The following TMEM233 variants were observed in gnomAD, a reference collection of about 807,000 sequenced individuals.
TMEM233 encodes transmembrane protein 233.
TMEM233 carries 6 observed loss-of-function variants against 11.2 expected under a neutral mutation model. That is an observed-to-expected ratio of 0.54 (90% CI 0.29 to 1.06). TMEM233 has a LOEUF of 1.06. Ranked by LOEUF, TMEM233 falls within the 50% of genes least tolerant of loss-of-function variation. The pLI is 0.08. For missense variants in TMEM233, 127 were observed against 144.7 expected (o/e 0.88, Z 0.63); for synonymous variants, 59 against 55.8 (o/e 1.06, Z -0.26).
intron 1 of TMEM233, among the ~76,000 whole-genome samples, chr12:119,614,410 A>G (rs961728072): frequency 8.9e-6 from 1 of 112,532 alleles, no homozygotes; most frequent in Non-Finnish European, 1.8e-5. Flanking sequence ...CTCCATCTCA[A>G]CGAGAGAGAG....
chr12:119,626,107 T>C (rs1295650627), intron 1 of TMEM233, among the ~76,000 whole-genome samples: 1 of 152,186 alleles, frequency 6.6e-6, no homozygotes, highest in African/African-American at 2.4e-5. Context: ...GCCATTTGTC[T>C]TGCAGAAAGT....
chr12:119,634,004 G>A (rs1195372919), intron 2 of TMEM233, among the ~76,000 whole-genome samples: 3 of 152,200 alleles, frequency 2.0e-5, no homozygotes, highest in Non-Finnish European at 2.9e-5. Context: ...TGCAGGTGGC[G>A]GGCAGAAGGG....
At chr12:119,621,862 A>G (rs1181222692) in intron 1 of TMEM233, among the ~76,000 whole-genome samples, 1 of 152,252 alleles carries the variant, frequency 6.6e-6, no homozygotes, top group African/African-American at 2.4e-5. Context: ...AGCTAGCCAA[A>G]GCAAAACACA....
At chr12:119,634,247 G>A in intron 2 of TMEM233, 1 of 985,328 alleles carries the variant, frequency 1.0e-6, no homozygotes, top group Non-Finnish European at 1.2e-6. Context: ...TCTGACATTA[G>A]AGGAGTCGAA....
intron 1 of TMEM233, among the ~76,000 whole-genome samples, chr12:119,607,174 T>C (rs749373731): frequency 1.3e-4 from 20 of 152,216 alleles, no homozygotes; most frequent in Admixed American, 2.0e-4. Context: ...AGTTACAGTA[T>C]AAAGAGTTAT....
intron 1 of TMEM233, among the ~76,000 whole-genome samples, chr12:119,615,185 A>AAAACAAAAC (rs1954499160): frequency 7.0e-6 from 1 of 142,074 alleles, no homozygotes; most frequent in African/African-American, 2.9e-5. Context: ...AAAAAAAAAA[A>AAAACAAAAC]AAAAAAAAAA....
At chr12:119,609,758 C>T (rs1194977525) in intron 1 of TMEM233, among the ~76,000 whole-genome samples, 1 of 152,172 alleles carries the variant, frequency 6.6e-6, no homozygotes, top group Non-Finnish European at 1.5e-5. Context: ...GGAACCTCTG[C>T]CTAGATTTCA....
chr12:119,635,266 G>A (rs139962171), intron 2 of TMEM233, among the ~76,000 whole-genome samples: 3 of 152,238 alleles, frequency 2.0e-5, no homozygotes, highest in East Asian at 1.9e-4. Flanking sequence ...AGCCACCTAC[G>A]ACAGATTCAT....
chr12:119,598,456 T>G (rs1208611387), intron 1 of TMEM233, among the ~76,000 whole-genome samples: 2 of 152,218 alleles, frequency 1.3e-5, no homozygotes, highest in African/African-American at 4.8e-5. Flanking sequence ...AGCTTTTCAT[T>G]AGCACATCTG....
intron 1 of TMEM233, among the ~76,000 whole-genome samples, chr12:119,596,650 G>A (rs1049225200): frequency 2.6e-5 from 4 of 151,620 alleles, no homozygotes; most frequent in African/African-American, 4.8e-5. Flanking sequence ...CGGCCACCAC[G>A]CCCGACTAAT....
intron 1 of TMEM233, among the ~76,000 whole-genome samples, chr12:119,600,468 T>C (rs1250125019): frequency 1.3e-5 from 2 of 150,688 alleles, no homozygotes; most frequent in African/African-American, 4.9e-5. Context: ...TGCAAGTTAA[T>C]GTTGAGGGAG....
At chr12:119,649,868 A>AAAAC in the TMEM233 span, among the ~76,000 whole-genome samples, 7 of 149,820 alleles carry the variant, frequency 4.7e-5, no homozygotes, top group African/African-American at 1.7e-4. Flanking sequence ...AAAAAAAAAA[A>AAAAC]AAAAAAAGGG....
At chr12:119,651,758 C>T in the TMEM233 span, among the ~76,000 whole-genome samples, 1 of 135,462 alleles carries the variant, frequency 7.4e-6, no homozygotes, top group African/African-American at 2.8e-5. Context: ...ACCAGGGAGT[C>T]GGAGGTTGCA....
At chr12:119,627,574 A>G (rs1323877758) in intron 1 of TMEM233, among the ~76,000 whole-genome samples, 2 of 152,116 alleles carry the variant, frequency 1.3e-5, no homozygotes, top group African/African-American at 4.8e-5. Context: ...CTTTTAAACA[A>G]CCAGCTCACA....
intron 1 of TMEM233, among the ~76,000 whole-genome samples, chr12:119,626,756 T>C (rs1259844758): frequency 1.3e-5 from 2 of 152,200 alleles, no homozygotes; most frequent in Non-Finnish European, 2.9e-5. Flanking sequence ...TGAATACCTC[T>C]TCTTTGCCTG....
At chr12:119,618,812 G>T (rs1954587923) in intron 1 of TMEM233, among the ~76,000 whole-genome samples, 1 of 152,136 alleles carries the variant, frequency 6.6e-6, no homozygotes, top group African/African-American at 2.4e-5. Context: ...TCTCAGATGA[G>T]AACTTGGACT....
At position 119,640,859 on chromosome 12, in the gene TMEM233, A is replaced by AAC; in HGVS notation, c.*155_*156insCA. The AAC allele has an allele frequency of 3.2e-6, 2 of 619,940 alleles. No homozygotes were observed. The highest frequency in any genetic ancestry group is 4.9e-6 in the Non-Finnish European group (2 of 408,106). 38.4% of individuals were successfully genotyped at this position (619,940 alleles called of 1,614,324 possible). On this transcript the variant is annotated 3_prime_UTR_variant, in exon 3 of 3. Transcript: ENST00000426426. ...CAGGTCCCTGGCAAATGAACAAGAAAAAAAAAAAAAAAAAGTCCAAAATTT... is the reference window on the plus strand; with the variant it reads ...CAGGTCCCTGGCAAATGAACAAGAAAACAAAAAAAAAAAAAAGTCCAAAATTT...
At chr12:119,610,068 G>C (rs1456785792) in intron 1 of TMEM233, among the ~76,000 whole-genome samples, 1 of 152,250 alleles carries the variant, frequency 6.6e-6, no homozygotes, top group Non-Finnish European at 1.5e-5. Flanking sequence ...CAGAGGCAGA[G>C]CTGCCCAAGG....
At chr12:119,650,928 C>T in the TMEM233 span, among the ~76,000 whole-genome samples, 1 of 152,242 alleles carries the variant, frequency 6.6e-6, no homozygotes, top group Admixed American at 6.5e-5. Context: ...CAGGCACAAG[C>T]CACTGCTCCC....
Sources: allele counts gnomAD v4.1 joint callset (sites outside exome capture counted in the v4.1 genomes callset), GRCh38; gene constraint gnomAD v4.1.1; transcripts MANE v1.5; gene names NCBI Gene and HGNC (gene_info 2026-07-23, HGNC 2026-07-21).